The following SMG6 variants were observed in gnomAD, a reference collection of about 807,000 sequenced individuals.
SMG6 encodes telomerase-binding protein EST1A.
Under a neutral mutation model 142.2 loss-of-function variants are expected in SMG6, and 66 were observed. That is an observed-to-expected ratio of 0.46 (90% CI 0.38 to 0.57). SMG6 has a LOEUF of 0.57. SMG6 is among the 20% of genes least tolerant of loss of function. The probability of loss-of-function intolerance (pLI) is 0.00; values close to 1 mark genes in which losing one functional copy is unlikely to be tolerated. For missense variants in SMG6, 1,793 were observed against 1,832.0 expected (o/e 0.98, Z 0.39); for synonymous variants, 779 against 702.4 (o/e 1.11, Z -1.72).
At chr17:2,094,912 G>A (rs1259661730) in intron 13 of SMG6, 6 of 152,094 alleles carry the variant, frequency 3.9e-5, no homozygotes, top group South Asian at 2.1e-4. Context: ...TAGAGCTCTC[G>A]GCTCCGGCTG....
intron 8 of SMG6, among the ~76,000 whole-genome samples, chr17:2,262,576 A>G (rs2074339700): frequency 2.0e-5 from 3 of 152,220 alleles, no homozygotes; most frequent in Non-Finnish European, 4.4e-5. Flanking sequence ...AGCTGACCAC[A>G]TCTACCTAAA....
chr17:2,088,515 G>C, intron 13 of SMG6: 1 of 985,438 alleles, frequency 1.0e-6, no homozygotes, highest in Non-Finnish European at 1.2e-6. Context: ...TCTAGGACAA[G>C]GACAACTGCT....
chr17:2,186,548 T>C (rs1164164864), intron 12 of SMG6, 115 bp downstream of exon 12: 1 of 1,211,842 alleles, frequency 8.3e-7, no homozygotes, highest in East Asian at 2.5e-5. Context: ...AAAGAAGAAA[T>C]AGAGAGGCAG....
At chr17:2,161,949 C>T (rs2071192232) in intron 13 of SMG6, among the ~76,000 whole-genome samples, 1 of 152,176 alleles carries the variant, frequency 6.6e-6, no homozygotes, top group East Asian at 1.9e-4. Flanking sequence ...AGAGGGAGGT[C>T]TAAGAAGGAG....
intron 13 of SMG6, among the ~76,000 whole-genome samples, chr17:2,148,024 T>C (rs2070720045): frequency 6.6e-6 from 1 of 151,910 alleles, no homozygotes; most frequent in South Asian, 2.1e-4. Context: ...ACCCCATCTC[T>C]ACCAAAAACA....
chr17:2,152,550 C>T lies in SMG6; in HGVS notation c.3357+20108G>A, dbSNP rs139591000. ...ACAATAGGCAAAAGATGTGAATAGACACTTCACCAAAGAAGATACACAGAT... is the reference window on the plus strand; with the variant it reads ...ACAATAGGCAAAAGATGTGAATAGATACTTCACCAAAGAAGATACACAGAT... On this transcript the variant is annotated intron_variant, in intron 13 of 18. Transcript: ENST00000263073. Among the ~76,000 whole-genome samples the T allele has an allele frequency of 2.6e-5, 4 of 152,320 alleles. No homozygotes were observed. In the South Asian group the frequency reaches 8.3e-4, roughly 32 times the overall value.
At chr17:2,303,612 G>A (rs759157470) in intron 1 of SMG6, 21 bp downstream of exon 1, 12 of 1,437,684 alleles carry the variant, frequency 8.3e-6, no homozygotes, top group African/African-American at 3.0e-5. Flanking sequence ...CCCGGCCCAG[G>A]AGCTGGGCGG....
intron 13 of SMG6, among the ~76,000 whole-genome samples, chr17:2,131,080 C>A (rs1410805564): frequency 1.3e-5 from 2 of 152,102 alleles, no homozygotes; most frequent in Non-Finnish European, 2.9e-5. Context: ...TAAGCTCTGG[C>A]TTATTATTAA....
At chr17:2,230,232 G>GGAAAA (rs1491353409) in intron 10 of SMG6, among the ~76,000 whole-genome samples, 1 of 38,416 alleles carries the variant, frequency 2.6e-5, no homozygotes, top group Non-Finnish European at 5.0e-5. Context: ...GGAAAAGAAA[G>GGAAAA]GAAAAGAAAA....
intron 6 of SMG6, among the ~76,000 whole-genome samples, chr17:2,288,682 A>T (rs2074961990): frequency 6.6e-6 from 1 of 151,294 alleles, no homozygotes; most frequent in African/African-American, 2.4e-5. Flanking sequence ...GTATCCTAGC[A>T]CTTTGAGAGG....
At chr17:2,095,332 C>T (rs564004137) in intron 13 of SMG6, among the ~76,000 whole-genome samples, 5 of 152,342 alleles carry the variant, frequency 3.3e-5, no homozygotes, top group South Asian at 2.1e-4. Flanking sequence ...TAGACAGCCA[C>T]GTCCAGGAGG....
intron 6 of SMG6, among the ~76,000 whole-genome samples, chr17:2,284,298 C>T (rs2074856401): frequency 6.6e-6 from 1 of 152,078 alleles, no homozygotes; most frequent in South Asian, 2.1e-4. Flanking sequence ...AAAGTGTTGT[C>T]CACTGTCTCA....
At chr17:2,266,758 G>C (rs923394974) in intron 8 of SMG6, among the ~76,000 whole-genome samples, 1 of 152,178 alleles carries the variant, frequency 6.6e-6, no homozygotes, top group Non-Finnish European at 1.5e-5. Flanking sequence ...GGCATTAAGG[G>C]TTTATAGGTA....
chr17:2,279,067 T>C (rs1368562695), intron 8 of SMG6, among the ~76,000 whole-genome samples: 1 of 152,080 alleles, frequency 6.6e-6, no homozygotes, highest in Non-Finnish European at 1.5e-5. Flanking sequence ...AAAACTACAC[T>C]TAAAAGCACT....
chr17:2,303,388 G>C (rs1448848183), intron 1 of SMG6: 2 of 1,240,214 alleles, frequency 1.6e-6, no homozygotes, highest in African/African-American at 3.1e-5. Flanking sequence ...TTCGCGGCGA[G>C]AAAGAGGGTG....
chr17:2,191,865 G>A (rs185692119), intron 10 of SMG6, among the ~76,000 whole-genome samples: 1 of 152,316 alleles, frequency 6.6e-6, no homozygotes, highest in Non-Finnish European at 1.5e-5. Flanking sequence ...GGAGCGGCCG[G>A]GAGAAGGCTG....
chr17:2,075,560 A>C (rs1386366402), intron 15 of SMG6, among the ~76,000 whole-genome samples: 1 of 152,240 alleles, frequency 6.6e-6, no homozygotes, highest in Non-Finnish European at 1.5e-5. Flanking sequence ...CAGGGCCAGC[A>C]TGAGGTGCCA....
At chr17:2,093,813 G>A (rs187616491) in intron 13 of SMG6, among the ~76,000 whole-genome samples, 127 of 152,254 alleles carry the variant, frequency 8.3e-4, no homozygotes, top group Middle Eastern at 3.4e-3. Context: ...TAAAGATGAG[G>A]TCTTGCTATA....
intron 13 of SMG6, among the ~76,000 whole-genome samples, chr17:2,132,178 AT>A (rs1269474219): frequency 6.6e-6 from 1 of 152,088 alleles, no homozygotes; most frequent in Non-Finnish European, 1.5e-5. Flanking sequence ...CAGTGAATTT[AT>A]TTTGCTTATT....
Sources: allele counts gnomAD v4.1 joint callset (sites outside exome capture counted in the v4.1 genomes callset), GRCh38; gene constraint gnomAD v4.1.1; transcripts MANE v1.5; gene names NCBI Gene and HGNC (gene_info 2026-07-23, HGNC 2026-07-21).